Variants in TCHP observed in about 807,000 individuals in gnomAD.
TCHP encodes the protein trichoplein keratin filament-binding protein.
A neutral mutation model predicts 88.7 loss-of-function variants in TCHP; 81 were observed. The observed-to-expected ratio is 0.91, with a 90% CI of 0.76 to 1.10. TCHP has a LOEUF of 1.10. TCHP is among the 50% of genes least tolerant of loss of function. TCHP has a pLI of 0.00. For synonymous variants in TCHP, 232 were observed against 232.5 expected (o/e 1.00, Z 0.02); for missense variants, 641 against 632.1 (o/e 1.01, Z -0.15).
intron 10 of TCHP, chr12:109,914,109 C>CA (rs1284616695): frequency 5.9e-6 from 1 of 168,602 alleles, no homozygotes; most frequent in East Asian, 1.7e-4. Flanking sequence ...GAAGGAGACT[C>CA]ACCTTGTTGC....
chr12:109,909,714 C>T (rs375563454), intron 8 of TCHP, among the ~76,000 whole-genome samples: 158 of 152,272 alleles, frequency 1.0e-3, no homozygotes, highest in African/African-American at 3.7e-3. Flanking sequence ...CCTGTAATCC[C>T]AGCACTTTGG....
the TCHP span, among the ~76,000 whole-genome samples, chr12:109,887,232 G>A: frequency 6.6e-6 from 1 of 151,776 alleles, no homozygotes; most frequent in South Asian, 2.1e-4. Flanking sequence ...GACCATCCTG[G>A]CCAACATGGT....
chr12:109,903,041 G>A lies in TCHP; in HGVS notation c.15G>A (p.Thr5=), dbSNP rs199913167. ...CCTGTTCTCAGATGGCGCTCCCGAC[G>A]CTGCCGTCCTACTGGTGCAGCCAGC... The part of the protein sequence containing the change: MALP[T]LPSYWCSQQR... The change falls in exon 2 of 13, where the codon ACG becomes ACA. Residue 5 remains threonine (T), a synonymous_variant. Transcript: ENST00000405876. The surrounding 1 kb of genome is among the most constrained non-coding windows in gnomAD (Gnocchi z 4.6). The A allele has an allele frequency of 3.1e-6, 5 of 1,600,158 alleles. No homozygotes were observed. Among genetic ancestry groups the A allele is most frequent in the Admixed American group, 3.5e-5 (2 of 56,972 alleles).
chr12:109,896,344 G>T (rs1311559965), upstream of TCHP, among the ~76,000 whole-genome samples: 1 of 152,160 alleles, frequency 6.6e-6, no homozygotes, highest in Non-Finnish European at 1.5e-5. Flanking sequence ...GTAAATCCTG[G>T]CTTTTATAGT....
At chr12:109,898,615 C>A (rs1376409587), upstream of TCHP, among the ~76,000 whole-genome samples, 1 of 152,160 alleles carries the variant, frequency 6.6e-6, no homozygotes, top group Admixed American at 6.5e-5. Context: ...AGCTTGAAAC[C>A]TGGGCGTTCT....
the TCHP span, among the ~76,000 whole-genome samples, chr12:109,893,081 T>C: frequency 6.6e-6 from 1 of 152,122 alleles, no homozygotes; most frequent in Non-Finnish European, 1.5e-5. Context: ...ACCTGTGGTC[T>C]TAAATTGTGA....
At chr12:109,897,686 G>A (rs918092270), upstream of TCHP, among the ~76,000 whole-genome samples, 1 of 151,414 alleles carries the variant, frequency 6.6e-6, no homozygotes, top group African/African-American at 2.4e-5. Context: ...TCAGCCTCCC[G>A]AGCTGGGATT....
At chr12:109,910,395 C>T (rs1870419091) in intron 8 of TCHP, among the ~76,000 whole-genome samples, 1 of 152,214 alleles carries the variant, frequency 6.6e-6, no homozygotes, top group South Asian at 2.1e-4. Flanking sequence ...CGGCTCACTG[C>T]AGCCTCAACC....
chr12:109,892,874 G>T, the TCHP span, among the ~76,000 whole-genome samples: 1 of 152,226 alleles, frequency 6.6e-6, no homozygotes, highest in Non-Finnish European at 1.5e-5. Flanking sequence ...TCAGTAACTG[G>T]TAAGCAGGTG....
intron 6 of TCHP, 49 bp from the exon 7 acceptor site, chr12:109,908,536 AT>A: frequency 6.8e-7 from 1 of 1,473,718 alleles, no homozygotes; most frequent in South Asian, 1.2e-5. Context: ...GGAAGATCTG[AT>A]TCCCACGATC....
intron 9 of TCHP, 70 bp from the exon 10 acceptor site, chr12:109,912,921 G>T: frequency 7.5e-7 from 1 of 1,341,874 alleles, no homozygotes. Context: ...CTGCAGCCCT[G>T]TCTGTTCCGT....
the TCHP span, among the ~76,000 whole-genome samples, chr12:109,883,314 G>A: frequency 6.6e-6 from 1 of 151,992 alleles, no homozygotes; most frequent in Non-Finnish European, 1.5e-5. Flanking sequence ...AGGATTATAG[G>A]TGTGAACCAC....
At chr12:109,893,649 A>T in the TCHP span, among the ~76,000 whole-genome samples, 1 of 152,140 alleles carries the variant, frequency 6.6e-6, no homozygotes, top group Admixed American at 6.5e-5. Context: ...TATCCAGTTT[A>T]TTCCAAACAA....
rs930564727 is a variant in TCHP, at chr12:109,905,034, A to C, written c.456+241A>C. 1 of 522,678 alleles carries C rather than the reference A, an allele frequency of 1.9e-6. No individual in the cohort carries two copies. The allele number at this position is 522,678 out of a possible 1,614,324, so 32.4% of individuals were successfully genotyped here. ...TGCCAGGTGCGGGCATGGAGATTAG[A>C]CATGGTTTCTGCTCATTAGCTTGTG... is the stretch of plus-strand genomic sequence containing the variant. On this transcript the variant is annotated intron_variant, in intron 4 of 12. Coordinates refer to ENST00000405876, the MANE Select transcript of TCHP (RefSeq NM_001143852.2). This position sits in a 1 kb window ranked among gnomAD's most constrained non-coding sequence, Gnocchi z 4.0.
upstream of TCHP, among the ~76,000 whole-genome samples, chr12:109,897,258 A>G (rs896764291): frequency 1.3e-5 from 2 of 152,214 alleles, no homozygotes. Context: ...TGTGTAATCA[A>G]GAGGTTCAGA....
chr12:109,908,852 A>T lies in TCHP; in HGVS notation c.813-19A>T. 1 of 1,613,980 alleles carries T rather than the reference A, an allele frequency of 6.2e-7. No individual in the cohort carries two copies. The highest frequency in any genetic ancestry group is 8.5e-7 in the Non-Finnish European group (1 of 1,179,854). On this transcript the variant is annotated intron_variant, in intron 7 of 12. Coordinates refer to ENST00000405876, the MANE Select transcript of TCHP (RefSeq NM_001143852.2). ...CTTTCTGAGATACTGAAGGCAGCCCACATTTGATTCTCCTTCAGGCGTTTC... is the reference window on the plus strand; with the variant it reads ...CTTTCTGAGATACTGAAGGCAGCCCTCATTTGATTCTCCTTCAGGCGTTTC...
At chr12:109,883,584 C>A in the TCHP span, among the ~76,000 whole-genome samples, 1 of 152,116 alleles carries the variant, frequency 6.6e-6, no homozygotes, top group Non-Finnish European at 1.5e-5. Context: ...CTCCTTGAAG[C>A]CTCACTGCCC....
At position 109,914,578 on chromosome 12, in the gene TCHP, A is replaced by C; in HGVS notation, c.1271A>C (p.Glu424Ala). 1 of 1,613,444 alleles carries C rather than the reference A, an allele frequency of 6.2e-7. No homozygotes were observed. The highest frequency in any genetic ancestry group is 8.5e-7 in the Non-Finnish European group (1 of 1,179,978). ...AGAGAGTTGGCTCGTCGCGAGAAAGAGGAGAGTGAAAAGCTGAAATCGGCC... is the reference window on the plus strand; with the variant it reads ...AGAGAGTTGGCTCGTCGCGAGAAAGCGGAGAGTGAAAAGCTGAAATCGGCC... ...EVRELARREKEESEKLKSARK... is the reference protein window; with the variant it reads ...EVRELARREKAESEKLKSARK... The change falls in exon 11 of 13, where the codon GAG (glutamate) becomes GCG (alanine). Residue 424 changes from glutamate (E) to alanine (A), a missense_variant. Glu to Ala is a moderately radical substitution (Grantham distance 107, BLOSUM62 -1). Coordinates refer to ENST00000405876, the MANE Select transcript of TCHP (RefSeq NM_001143852.2).
the TCHP span, among the ~76,000 whole-genome samples, chr12:109,888,932 G>A: frequency 1.3e-5 from 2 of 152,014 alleles, no homozygotes; most frequent in East Asian, 1.9e-4. Flanking sequence ...ACGGTGGTAC[G>A]TGCCTGTAAT....
Sources: gnomAD v4.1 joint callset for allele counts (sites outside exome capture counted in the v4.1 genomes callset) on GRCh38, gnomAD v4.1.1 for gene constraint, Gnocchi (gnomAD v3.1) non-coding constraint, MANE v1.5 for transcripts, NCBI Gene and HGNC (gene_info 2026-07-23, HGNC 2026-07-21) for gene names.